MAP3K1: variants seen among roughly 807,000 people sequenced by gnomAD.
The protein encoded by MAP3K1 is mitogen-activated protein kinase kinase kinase 1.
Under a neutral mutation model 144.2 loss-of-function variants are expected in MAP3K1, and 36 were observed. The ratio of observed to expected loss-of-function variants is 0.25; its 90% confidence interval spans 0.19 to 0.33. The LOEUF is 0.33. Ranked by LOEUF, MAP3K1 falls within the 10% of genes least tolerant of loss-of-function variation. The probability of loss-of-function intolerance (pLI) is 1.00; values close to 1 mark genes in which losing one functional copy is unlikely to be tolerated. For synonymous variants in MAP3K1, 718 were observed against 688.7 expected (o/e 1.04, Z -0.67); for missense variants, 1,650 against 1,881.9 (o/e 0.88, Z 2.28).
intron 1 of MAP3K1, among the ~76,000 whole-genome samples, chr5:56,830,761 G>C (rs1187927541): frequency 1.3e-5 from 2 of 151,790 alleles, no homozygotes; most frequent in Non-Finnish European, 2.9e-5. Context: ...GGTTACTTCT[G>C]CCCCAGCTGT....
At chr5:56,836,257 G>T (rs918999794) in intron 1 of MAP3K1, among the ~76,000 whole-genome samples, 22 of 152,004 alleles carry the variant, frequency 1.4e-4, no homozygotes, top group African/African-American at 5.3e-4. Flanking sequence ...CTTCCTAATT[G>T]TCGCTTTTAA....
At chr5:56,828,987 G>C (rs1746402196) in intron 1 of MAP3K1, among the ~76,000 whole-genome samples, 1 of 151,758 alleles carries the variant, frequency 6.6e-6, no homozygotes, top group Non-Finnish European at 1.5e-5. Context: ...CATGTAATTT[G>C]GATAGAGTTG....
At chr5:56,835,462 A>G (rs1445151581) in intron 1 of MAP3K1, among the ~76,000 whole-genome samples, 1 of 151,314 alleles carries the variant, frequency 6.6e-6, no homozygotes, top group East Asian at 2.0e-4. Flanking sequence ...GGAAGAGGAG[A>G]CAGGAAGGTA....
intron 1 of MAP3K1, among the ~76,000 whole-genome samples, chr5:56,842,515 G>A (rs963138874): frequency 6.6e-6 from 1 of 152,224 alleles, no homozygotes; most frequent in Non-Finnish European, 1.5e-5. Context: ...CACTGCAGAG[G>A]CTAGCTTTAA....
At chr5:56,869,552 GA>G (rs1353031023) in intron 6 of MAP3K1, among the ~76,000 whole-genome samples, 5 of 152,126 alleles carry the variant, frequency 3.3e-5, no homozygotes, top group African/African-American at 1.2e-4. Context: ...TTTAAAATAT[GA>G]AATAGTGCAT....
At chr5:56,869,434 C>G (rs935394624) in intron 6 of MAP3K1, among the ~76,000 whole-genome samples, 3 of 152,094 alleles carry the variant, frequency 2.0e-5, no homozygotes, top group Admixed American at 2.0e-4. Flanking sequence ...CTCACGTGTA[C>G]ACTTAAAAAT....
At chr5:56,837,904 A>G (rs1369864952) in intron 1 of MAP3K1, among the ~76,000 whole-genome samples, 2 of 152,166 alleles carry the variant, frequency 1.3e-5, no homozygotes, top group African/African-American at 2.4e-5. Context: ...GGGGAGGCTG[A>G]AGGCAGCACC....
intron 1 of MAP3K1, chr5:56,820,600 A>T (rs1561160114): frequency 1.0e-6 from 1 of 984,966 alleles, no homozygotes; most frequent in East Asian, 1.1e-4. Flanking sequence ...AGATTTATTG[A>T]TTTGTGCTGT....
intron 12 of MAP3K1, 37 bp from the exon 13 acceptor site, chr5:56,881,046 A>C (rs779549793): frequency 1.3e-6 from 2 of 1,517,890 alleles, no homozygotes; most frequent in African/African-American, 1.4e-5. Flanking sequence ...TAATATCACT[A>C]TTTTTTAATC....
intron 1 of MAP3K1, among the ~76,000 whole-genome samples, chr5:56,855,338 A>G (rs932705367): frequency 3.9e-5 from 6 of 152,240 alleles, no homozygotes; most frequent in Admixed American, 1.3e-4. Flanking sequence ...CTTCTATATA[A>G]CAGTATTTGT....
intron 6 of MAP3K1, among the ~76,000 whole-genome samples, chr5:56,870,531 T>C (rs187718325): frequency 6.6e-6 from 1 of 152,332 alleles, no homozygotes; most frequent in African/African-American, 2.4e-5. Context: ...AATGAAACTC[T>C]TCTTTGCACA....
intron 2 of MAP3K1, among the ~76,000 whole-genome samples, chr5:56,857,333 A>G (rs1747372777): frequency 6.6e-6 from 1 of 152,146 alleles, no homozygotes; most frequent in African/African-American, 2.4e-5. Flanking sequence ...CTAGAGTCCT[A>G]GATTTTAAAA....
At chr5:56,816,522 G>A (rs937956740) in intron 1 of MAP3K1, among the ~76,000 whole-genome samples, 2 of 152,074 alleles carry the variant, frequency 1.3e-5, no homozygotes, top group African/African-American at 4.8e-5. Context: ...TGAGAAGCCC[G>A]AGGTCGGGTG....
Position 56,882,286 on chromosome 5 carries a change from T to G in MAP3K1, c.3086T>G (p.Phe1029Cys). 1.2e-6 allele frequency: 2 copies of G among 1,614,074 alleles called. No homozygotes were observed. The highest frequency in any genetic ancestry group is 1.7e-6 in the Non-Finnish European group (2 of 1,180,006). ...PQTQRKFSLQ[F>C]HRNCPENKDS... ...ACACAGCGCAAGTTTTCTCTACAATTCCACAGAAACTGTCCTGAAAACAAA... is the reference window on the plus strand; with the variant it reads ...ACACAGCGCAAGTTTTCTCTACAATGCCACAGAAACTGTCCTGAAAACAAA... The change falls in exon 14 of 20, where the codon TTC becomes TGC. Residue 1029 changes from phenylalanine (F) to cysteine (C), a missense_variant. Coordinates refer to ENST00000399503, the MANE Select transcript of MAP3K1 (RefSeq NM_005921.2).
intron 10 of MAP3K1, among the ~76,000 whole-genome samples, chr5:56,876,462 A>G (rs573725505): frequency 3.9e-5 from 6 of 152,140 alleles, no homozygotes; most frequent in Non-Finnish European, 8.8e-5. Flanking sequence ...GGCCTAATGA[A>G]TCTTCTTGAC....
rs2111725063 is a variant in MAP3K1 at position 56,815,608 on chromosome 5, C to G, written c.35C>G (p.Ser12Trp). Residue 12 changes from serine (S) to tryptophan (W), a missense_variant, in exon 1 of 20, where the codon TCG (serine) becomes TGG (tryptophan). This residue lies in a region of MAP3K1 where 360 missense variants were observed against 274.7 expected (regional missense o/e 1.31). Coordinates refer to ENST00000399503, the MANE Select transcript of MAP3K1 (RefSeq NM_005921.2). ...AAAAGNRASS[S>W]GFPGARATSP... is the part of the protein sequence containing the mutation. The stretch of plus-strand genomic sequence containing the variant: ...GCGGCGGGGAATCGCGCCTCGTCGT[C>G]GGGATTCCCGGGCGCCAGGGCTACG... 7.6e-7 allele frequency: 1 copy of G among 1,308,996 alleles called. No individual in the cohort carries two copies. The highest frequency in any genetic ancestry group is 2.1e-5 in the South Asian group (1 of 47,324). 81.1% of individuals were successfully genotyped at this position (1,308,996 alleles called of 1,614,324 possible). A position where few individuals can be genotyped will look rare whatever the true frequency, so the allele number is the denominator to read the frequency against.
At chr5:56,888,758 G>C in intron 19 of MAP3K1, among the ~76,000 whole-genome samples, 1 of 152,132 alleles carries the variant, frequency 6.6e-6, no homozygotes. Flanking sequence ...ATTCAAGGTA[G>C]GCCAGACTAA....
chr5:56,842,316 T>TA (rs1460623771), intron 1 of MAP3K1: 1 of 152,242 alleles, frequency 6.6e-6, no homozygotes, highest in East Asian at 1.9e-4. Context: ...GACAGGACTT[T>TA]AAAGTCGTAG....
At chr5:56,835,342 G>A (rs1746616129) in intron 1 of MAP3K1, among the ~76,000 whole-genome samples, 1 of 97,936 alleles carries the variant, frequency 1.0e-5, no homozygotes, top group African/African-American at 3.4e-5. Flanking sequence ...AAGGAGGCAG[G>A]GAAGAGTTGA....
Sources: allele counts gnomAD v4.1 joint callset (sites outside exome capture counted in the v4.1 genomes callset), GRCh38; gene constraint gnomAD v4.1.1; regional missense constraint gnomAD v4.1.1; transcripts MANE v1.5; gene names NCBI Gene and HGNC (gene_info 2026-07-23, HGNC 2026-07-21).